TAFA1: variants seen among roughly 807,000 people sequenced by gnomAD.
TAFA1 encodes the protein chemokine-like protein TAFA-1.
In TAFA1, 4 loss-of-function variants were observed where a neutral mutation model predicts 18.5. The observed-to-expected ratio is 0.22, with a 90% CI of 0.11 to 0.49. The LOEUF (loss-of-function observed/expected upper bound fraction) is 0.49. TAFA1 is among the 20% of genes least tolerant of loss of function. TAFA1 has a pLI of 0.98. For missense variants in TAFA1, 147 were observed against 169.0 expected (o/e 0.87, Z 0.72); for synonymous variants, 56 against 55.2 (o/e 1.01, Z -0.06).
intron 2 of TAFA1, among the ~76,000 whole-genome samples, chr3:68,106,320 A>C (rs964886280): frequency 1.3e-5 from 2 of 152,156 alleles, no homozygotes; most frequent in African/African-American, 2.4e-5. Flanking sequence ...CAATGATGGA[A>C]GTGATCAGCG....
intron 2 of TAFA1, among the ~76,000 whole-genome samples, chr3:68,116,576 A>G (rs1411240365): frequency 6.6e-6 from 1 of 152,208 alleles, no homozygotes; most frequent in Non-Finnish European, 1.5e-5. Flanking sequence ...CAGAGGTCTC[A>G]CCTGGAGAAC....
chr3:68,385,087 C>A (rs1453392112), intron 2 of TAFA1, among the ~76,000 whole-genome samples: 1 of 151,710 alleles, frequency 6.6e-6, no homozygotes, highest in East Asian at 1.9e-4. Flanking sequence ...AACTGTGGGA[C>A]CTTGGGTAAG....
chr3:68,531,634 C>G (rs2073189658), intron 3 of TAFA1, among the ~76,000 whole-genome samples: 1 of 152,188 alleles, frequency 6.6e-6, no homozygotes, highest in South Asian at 2.1e-4. Context: ...CTTCTTAGAG[C>G]ACGTGCTTGA....
chr3:68,013,038 A>G (rs1467126666), intron 2 of TAFA1, among the ~76,000 whole-genome samples: 1 of 152,030 alleles, frequency 6.6e-6, no homozygotes, highest in Non-Finnish European at 1.5e-5. Context: ...TTTTTTCGAC[A>G]GCATCTACCA....
intron 4 of TAFA1, among the ~76,000 whole-genome samples, chr3:68,541,354 A>T (rs936420848): frequency 6.6e-6 from 1 of 152,210 alleles, no homozygotes. Flanking sequence ...GGAACCATCT[A>T]TTCTGTGTAA....
intron 2 of TAFA1, among the ~76,000 whole-genome samples, chr3:68,172,367 A>T (rs1436313061): frequency 6.6e-6 from 1 of 152,164 alleles, no homozygotes; most frequent in Non-Finnish European, 1.5e-5. Flanking sequence ...TACCTCCTAA[A>T]AGGCTAAAAC....
intron 2 of TAFA1, among the ~76,000 whole-genome samples, chr3:68,387,504 G>C (rs2106697413): frequency 6.6e-6 from 1 of 152,302 alleles, no homozygotes; most frequent in South Asian, 2.1e-4. Flanking sequence ...TATCTCAACA[G>C]AGGATTGTGG....
intron 2 of TAFA1, among the ~76,000 whole-genome samples, chr3:68,360,951 C>A (rs754824424): frequency 1.3e-5 from 2 of 151,914 alleles, no homozygotes; most frequent in Non-Finnish European, 2.9e-5. Flanking sequence ...GTTATGATTT[C>A]GGTCTTCTGT....
intron 3 of TAFA1, among the ~76,000 whole-genome samples, chr3:68,478,009 G>A (rs2072137069): frequency 6.6e-6 from 1 of 152,196 alleles, no homozygotes; most frequent in Admixed American, 6.5e-5. Context: ...CCTGTGCTTT[G>A]TCCAGCAGAA....
At chr3:68,164,661 G>GTGTGTA (rs57966288) in intron 2 of TAFA1, among the ~76,000 whole-genome samples, 1 of 151,022 alleles carries the variant, frequency 6.6e-6, no homozygotes, top group Admixed American at 6.6e-5. Context: ...GTGTGTGTGT[G>GTGTGTA]GGAGGTAGTT....
chr3:68,392,131 C>A (rs550939742), intron 2 of TAFA1, among the ~76,000 whole-genome samples: 4 of 127,888 alleles, frequency 3.1e-5, no homozygotes, highest in Admixed American at 2.7e-4. Flanking sequence ...TGTGCAAAGA[C>A]ACACATAGGC....
At chr3:68,458,726 G>C (rs968357982) in intron 3 of TAFA1, among the ~76,000 whole-genome samples, 1 of 151,662 alleles carries the variant, frequency 6.6e-6, no homozygotes, top group Admixed American at 6.6e-5. Context: ...AGGTCACTTT[G>C]AACTGCTGGG....
At chr3:68,537,716 C>T (rs1267104112) in intron 3 of TAFA1, among the ~76,000 whole-genome samples, 2 of 152,174 alleles carry the variant, frequency 1.3e-5, no homozygotes, top group Non-Finnish European at 2.9e-5. Context: ...AGCCGTCTCA[C>T]ACTATGTCAA....
chr3:68,267,201 G>GTCACAC (rs1403269237), intron 2 of TAFA1, among the ~76,000 whole-genome samples: 3 of 152,118 alleles, frequency 2.0e-5, no homozygotes, highest in Non-Finnish European at 4.4e-5. Flanking sequence ...ATTCCACACT[G>GTCACAC]TGGACATACA....
intron 2 of TAFA1, among the ~76,000 whole-genome samples, chr3:68,078,323 C>T (rs1012246839): frequency 2.0e-5 from 3 of 151,684 alleles, no homozygotes; most frequent in Admixed American, 6.6e-5. Context: ...GCCTGATTGC[C>T]CTGGCCAGAA....
At chr3:68,032,039 C>T (rs1181014102) in intron 2 of TAFA1, among the ~76,000 whole-genome samples, 2 of 152,050 alleles carry the variant, frequency 1.3e-5, no homozygotes, top group Non-Finnish European at 2.9e-5. Context: ...TTTATATTCT[C>T]TGAGATTTCT....
intron 3 of TAFA1, among the ~76,000 whole-genome samples, chr3:68,475,609 A>C (rs1389331932): frequency 6.6e-6 from 1 of 152,166 alleles, no homozygotes; most frequent in African/African-American, 2.4e-5. Context: ...GAATAGTGCC[A>C]CAGTAAATAT....
At chr3:68,042,022 GT>G (rs1705175360) in intron 2 of TAFA1, among the ~76,000 whole-genome samples, 1 of 152,128 alleles carries the variant, frequency 6.6e-6, no homozygotes, top group Non-Finnish European at 1.5e-5. Flanking sequence ...TTTGCCAATA[GT>G]TTTAAAATAT....
In TAFA1 at chr3:68,403,348, C is replaced by T. The variant is rs1160185155; in HGVS notation, c.119-13932C>T. Among the ~76,000 whole-genome samples, 6 of 152,202 alleles carry T rather than the reference C, an allele frequency of 3.9e-5. No homozygotes were observed. The East Asian group carries it at 1.2e-3, about 29-fold the overall frequency. On this transcript the variant is annotated intron_variant, in intron 2 of 4. Coordinates refer to ENST00000478136, the MANE Select transcript of TAFA1 (RefSeq NM_213609.4). ...AACAACCTCCAAATCTCATGGGCTT[C>T]AAACAGCAAAAGTTTATTGCTTGAT...
Sources: allele counts gnomAD v4.1 joint callset (sites outside exome capture counted in the v4.1 genomes callset), GRCh38; gene constraint gnomAD v4.1.1; transcripts MANE v1.5; gene names NCBI Gene and HGNC (gene_info 2026-07-23, HGNC 2026-07-21).